The following ANKS1B variants were observed in gnomAD, a reference collection of about 807,000 sequenced individuals.
ANKS1B encodes the protein ankyrin repeat and sterile alpha motif domain containing 1B.
Under a neutral mutation model 148.3 loss-of-function variants are expected in ANKS1B, and 36 were observed. The observed-to-expected ratio is 0.24, with a 90% CI of 0.19 to 0.32. The LOEUF (loss-of-function observed/expected upper bound fraction) is 0.32. Ranked by LOEUF, ANKS1B falls within the 10% of genes least tolerant of loss-of-function variation. The pLI, the probability that ANKS1B is intolerant of heterozygous loss-of-function variation, is 1.00. For missense variants in ANKS1B, 1,157 were observed against 1,542.6 expected (o/e 0.75, Z 4.19); for synonymous variants, 542 against 560.8 (o/e 0.97, Z 0.47).
At chr12:99,369,998 A>G (rs1466029329) in intron 12 of ANKS1B, among the ~76,000 whole-genome samples, 2 of 152,190 alleles carry the variant, frequency 1.3e-5, no homozygotes, top group Non-Finnish European at 2.9e-5. Context: ...TAGTTAAAAA[A>G]TGTGGTGAAG....
At chr12:98,972,555 G>T (rs2099884196) in intron 17 of ANKS1B, among the ~76,000 whole-genome samples, 1 of 152,184 alleles carries the variant, frequency 6.6e-6, no homozygotes, top group South Asian at 2.1e-4. Flanking sequence ...CACAGCTAGT[G>T]AGTGGTGAAG....
intron 9 of ANKS1B, among the ~76,000 whole-genome samples, chr12:99,643,982 T>C (rs2153424495): frequency 6.6e-6 from 1 of 152,318 alleles, no homozygotes; most frequent in East Asian, 1.9e-4. Context: ...TCTGGATAGA[T>C]TGAGAATGTT....
intron 1 of ANKS1B, among the ~76,000 whole-genome samples, chr12:99,941,630 G>T (rs966584005): frequency 3.3e-5 from 5 of 152,142 alleles, no homozygotes; most frequent in African/African-American, 1.2e-4. Flanking sequence ...TCACCTCAGA[G>T]TTGAGAGTCA....
chr12:99,761,499 C>T (rs12369963), intron 8 of ANKS1B, among the ~76,000 whole-genome samples: 5,809 of 151,998 alleles, frequency 0.038, 156 homozygotes, highest in Non-Finnish European at 0.055. Context: ...ATCCAACATC[C>T]CTTCATGATA....
At chr12:99,473,551 G>C (rs2096273570) in intron 10 of ANKS1B, among the ~76,000 whole-genome samples, 1 of 151,928 alleles carries the variant, frequency 6.6e-6, no homozygotes, top group African/African-American at 2.4e-5. Context: ...CCAATTTATA[G>C]TCCTATGAGA....
intron 7 of ANKS1B, among the ~76,000 whole-genome samples, chr12:99,774,770 T>C (rs754172194): frequency 6.6e-6 from 1 of 152,064 alleles, no homozygotes; most frequent in East Asian, 1.9e-4. Flanking sequence ...TAAAATGCAA[T>C]GTGTGTATAC....
Position 99,794,573 on chromosome 12 carries a change from T to C in ANKS1B, c.669+11831A>G, listed in dbSNP as rs942266514. Among the ~76,000 whole-genome samples the C allele has an allele frequency of 6.6e-5, 10 of 151,968 alleles. No homozygotes were observed. In the East Asian group the frequency reaches 1.7e-3, roughly 27 times the overall value. Reference sequence around the variant, plus strand: ...ACATGGATGGAACTGGAGATCATTATATTAAGTGAAATAAGCCAGGCTCAG... The same window carrying C: ...ACATGGATGGAACTGGAGATCATTACATTAAGTGAAATAAGCCAGGCTCAG... On this transcript the variant is annotated intron_variant, in intron 4 of 26. Transcript: ENST00000683438.
intron 8 of ANKS1B, among the ~76,000 whole-genome samples, chr12:99,764,400 C>G (rs2062449231): frequency 6.6e-6 from 1 of 152,034 alleles, no homozygotes; most frequent in African/African-American, 2.4e-5. Context: ...ATAAGAAAGA[C>G]AGACGTGTTT....
intron 20 of ANKS1B, among the ~76,000 whole-genome samples, chr12:98,807,275 A>G (rs983692972): frequency 2.6e-5 from 4 of 152,196 alleles, no homozygotes; most frequent in Admixed American, 2.6e-4. Context: ...AGATCAATTC[A>G]GTACTGTCAA....
intron 14 of ANKS1B, among the ~76,000 whole-genome samples, chr12:99,189,067 T>C (rs2080282558): frequency 6.6e-6 from 1 of 152,166 alleles, no homozygotes; most frequent in Non-Finnish European, 1.5e-5. Context: ...TAAACACCTC[T>C]ACATAAATAA....
chr12:99,674,944 T>A (rs2098555402), intron 8 of ANKS1B, among the ~76,000 whole-genome samples: 1 of 151,862 alleles, frequency 6.6e-6, no homozygotes, highest in South Asian at 2.1e-4. Context: ...ATGAAAAGCA[T>A]ACAAAAGACT....
chr12:99,303,167 C>T (rs2081904862), intron 12 of ANKS1B, among the ~76,000 whole-genome samples: 1 of 152,042 alleles, frequency 6.6e-6, no homozygotes, highest in African/African-American at 2.4e-5. Flanking sequence ...TACTGCTGAC[C>T]TAAAAAATTA....
chr12:99,919,629 C>T (rs748527033), intron 1 of ANKS1B, among the ~76,000 whole-genome samples: 5 of 152,094 alleles, frequency 3.3e-5, no homozygotes, highest in Non-Finnish European at 5.9e-5. Context: ...CTCCAGGATA[C>T]CATCAGAACT....
At chr12:98,800,084 A>AC (rs1236174369) in intron 21 of ANKS1B, among the ~76,000 whole-genome samples, 2 of 152,092 alleles carry the variant, frequency 1.3e-5, no homozygotes, top group African/African-American at 4.8e-5. Flanking sequence ...AGGCATGTTC[A>AC]GAAAGGCTTG....
chr12:99,373,155 G>A (rs907216166), intron 12 of ANKS1B, among the ~76,000 whole-genome samples: 21 of 152,128 alleles, frequency 1.4e-4, no homozygotes, highest in African/African-American at 5.1e-4. Context: ...CATAGCAGAG[G>A]TGGTAGTGAA....
At chr12:98,978,925 T>C (rs148955597) in intron 17 of ANKS1B, among the ~76,000 whole-genome samples, 2,383 of 152,118 alleles carry the variant, frequency 0.016, 64 homozygotes, top group African/African-American at 0.055. Flanking sequence ...AGGCAGATCA[T>C]GAGGTCAGGA....
At chr12:99,134,737 G>T (rs1190486423) in intron 15 of ANKS1B, among the ~76,000 whole-genome samples, 1 of 147,072 alleles carries the variant, frequency 6.8e-6, no homozygotes, top group Non-Finnish European at 1.5e-5. Context: ...CAAAAAGGAA[G>T]TAAGGCTAAC....
In ANKS1B at chr12:99,247,475, G is replaced by T. The variant is rs79656103; in HGVS notation, c.1757-611C>A. ...TTCAGACTTAACAAAGGCAAACAAC[G>T]CAGTATCAGAAAAAGAGAGACTCCA... On this transcript the variant is annotated intron_variant, in intron 12 of 26. Transcript: ENST00000683438. 4.5e-3 allele frequency among the ~76,000 whole-genome samples: 688 copies of T among 152,130 alleles called. 1 individual carries two copies. The highest frequency in any genetic ancestry group is 7.1e-3 in the Non-Finnish European group (482 of 67,968).
At chr12:99,520,938 G>T (rs2096869283) in intron 9 of ANKS1B, among the ~76,000 whole-genome samples, 1 of 152,078 alleles carries the variant, frequency 6.6e-6, no homozygotes, top group African/African-American at 2.4e-5. Context: ...TGGGATTACA[G>T]GTGCCCACCA....
Sources: allele counts gnomAD v4.1 joint callset (sites outside exome capture counted in the v4.1 genomes callset), GRCh38; gene constraint gnomAD v4.1.1; transcripts MANE v1.5; gene names NCBI Gene and HGNC (gene_info 2026-07-23, HGNC 2026-07-21).